The following GNL3L variants were observed in gnomAD, a reference collection of about 807,000 sequenced individuals.
GNL3L encodes the protein guanine nucleotide-binding protein-like 3-like protein.
A neutral mutation model predicts 42.9 loss-of-function variants in GNL3L; 4 were observed. That is an observed-to-expected ratio of 0.09 (90% CI 0.05 to 0.21). The LOEUF is 0.21. Among genes scored for constraint, GNL3L ranks in the 10% least tolerant of loss-of-function variants. The pLI, the probability that GNL3L is intolerant of heterozygous loss-of-function variation, is 1.00. For synonymous variants in GNL3L, 159 were observed against 176.3 expected (o/e 0.90, Z 0.78); for missense variants, 412 against 481.7 (o/e 0.86, Z 1.36).
chrX:54,547,000 CT>C (rs748207972), intron 8 of GNL3L, among the ~76,000 whole-genome samples: 70 of 91,861 alleles, frequency 7.6e-4, no homozygotes, highest in East Asian at 6.5e-3. Flanking sequence ...TTTTTTTTTT[CT>C]TTTTTTTTTT....
chrX:54,572,480 C>G (rs1329097993), intron 16 of GNL3L, among the ~76,000 whole-genome samples: 1 of 112,224 alleles, frequency 8.9e-6, no homozygotes, highest in Admixed American at 9.4e-5. Context: ...TTCCACAAAG[C>G]CGCCATTGTC....
chrX:54,602,568 AC>A (rs1369985237), intron 16 of GNL3L, among the ~76,000 whole-genome samples: 1 of 111,320 alleles, frequency 9.0e-6, no homozygotes, highest in Non-Finnish European at 1.9e-5. Context: ...CTTGTGTCTA[AC>A]TAGTAGAATA....
chrX:54,599,209 T>C (rs1194809182), intron 16 of GNL3L, among the ~76,000 whole-genome samples: 1 of 111,725 alleles, frequency 9.0e-6, no homozygotes, highest in Non-Finnish European at 1.9e-5. Flanking sequence ...GAGTGAAATA[T>C]TTAAAGTACT....
At chrX:54,634,709 G>C in the GNL3L span, among the ~76,000 whole-genome samples, 1 of 100,999 alleles carries the variant, frequency 9.9e-6, no homozygotes, top group African/African-American at 3.7e-5. Context: ...GGATGACCTC[G>C]ATCTCCTGAC....
chrX:54,552,100 G>A lies in GNL3L; in HGVS notation c.1181+126G>A, dbSNP rs1269090085. ...GGTCTTGGGGCAGAGGATGGCCAAG[G>A]TGCCAGGTCATGTCCTGCTCGAGAC... On this transcript the variant is annotated intron_variant, in intron 12 of 15. Coordinates refer to ENST00000360845, the MANE Select transcript of GNL3L (RefSeq NM_001184819.2). 9.2e-6 allele frequency: 8 copies of A among 870,715 alleles called. No homozygotes were observed. The African/African-American group carries it at 1.4e-4, about 15-fold the overall frequency. The allele number at this position is 870,715 out of a possible 1,213,427, so 71.8% of individuals were successfully genotyped here.
intron 16 of GNL3L, among the ~76,000 whole-genome samples, chrX:54,589,609 G>T (rs1925839594): frequency 8.9e-6 from 1 of 111,762 alleles, no homozygotes. Flanking sequence ...CATTTTGTAT[G>T]TGTACCACAT....
chrX:54,625,460 G>A (rs779843280), downstream of GNL3L, among the ~76,000 whole-genome samples: 1 of 110,355 alleles, frequency 9.1e-6, no homozygotes, highest in African/African-American at 3.3e-5. Flanking sequence ...TTAATGTAGT[G>A]TATTATATTG....
Position 54,558,638 on chromosome X carries a change from A to T in GNL3L, c.1649A>T (p.Lys550Met), listed in dbSNP as rs769883708. Residue 550 changes from lysine to methionine, a missense_variant, in exon 15 of 16, where the codon AAG becomes ATG. Physicochemically the swap from Lys to Met is moderately conservative, Grantham distance 95 (BLOSUM62 -1). Transcript: ENST00000360845. ...GCATCTGCCCTGAAAAATAAGAAGA[A>T]GATGCAGAAACGTGCAGGTGGGAGC... is the stretch of plus-strand genomic sequence containing the variant. ...ALASALKNKK[K>M]MQKRADKIAS... The T allele has an allele frequency of 5.8e-6, 7 of 1,199,712 alleles. No homozygotes were observed. The highest frequency in any genetic ancestry group is 4.4e-5 in the Admixed American group (2 of 45,239).
chrX:54,634,983 G>C, the GNL3L span, among the ~76,000 whole-genome samples: 1 of 108,085 alleles, frequency 9.3e-6, no homozygotes, highest in African/African-American at 3.4e-5. Flanking sequence ...GTAGAGACAG[G>C]GTTTTGCCGT....
chrX:54,620,258 C>T (rs775132127), intron 16 of GNL3L, among the ~76,000 whole-genome samples: 1 of 111,031 alleles, frequency 9.0e-6, no homozygotes, highest in East Asian at 2.8e-4. Context: ...ATTAACCACC[C>T]CAACTTCTCT....
Position 54,551,887 on chromosome X carries a change from C to T in GNL3L, c.1094C>T (p.Ala365Val). The T allele has an allele frequency of 8.3e-7, 1 of 1,210,186 alleles. No individual in the cohort carries two copies. The highest frequency in any genetic ancestry group is 1.1e-6 in the Non-Finnish European group (1 of 893,852). The change falls in exon 12 of 16, where the codon GCA becomes GTA. Residue 365 changes from alanine (A) to valine (V), a missense_variant. Coordinates refer to ENST00000360845, the MANE Select transcript of GNL3L (RefSeq NM_001184819.2). Reference sequence around the variant, plus strand: ...CAGACCACTGAGCACTTTCTGACGGCAGTGGCCCACCGTTTGGGGAAGAAG... The same window carrying T: ...CAGACCACTGAGCACTTTCTGACGGTAGTGGCCCACCGTTTGGGGAAGAAG... ...GFQTTEHFLT[A>V]VAHRLGKKKK...
chrX:54,630,053 A>C, the GNL3L span, among the ~76,000 whole-genome samples: 1 of 110,329 alleles, frequency 9.1e-6, no homozygotes, highest in South Asian at 3.9e-4. Flanking sequence ...AAAGGTGTTC[A>C]TAGTAGCCTT....
Position 54,560,697 on chromosome X carries a change from A to G in GNL3L, c.*95A>G, listed in dbSNP as rs980934260. 2.3e-5 allele frequency: 13 copies of G among 571,657 alleles called. No homozygotes were observed. The highest frequency in any genetic ancestry group is 3.3e-5 in the Non-Finnish European group (11 of 331,792). 47.1% of individuals were successfully genotyped at this position (571,657 alleles called of 1,213,427 possible). On this transcript the variant is annotated 3_prime_UTR_variant, in exon 16 of 16. Transcript: ENST00000360845. ...GTTTGGTTCTCCCTGAAGCATCTGC[A>G]TATTGAAAGAACGCTTTCCCCACTG... is the stretch of plus-strand genomic sequence containing the variant.
At chrX:54,553,074 A>T (rs1569542127) in intron 13 of GNL3L, among the ~76,000 whole-genome samples, 1 of 112,502 alleles carries the variant, frequency 8.9e-6, no homozygotes. Context: ...CAGTAAGTCC[A>T]CCCGATAAGG....
intron 16 of GNL3L, among the ~76,000 whole-genome samples, chrX:54,600,891 A>G (rs1044655137): frequency 1.8e-5 from 2 of 112,277 alleles, no homozygotes; most frequent in African/African-American, 6.5e-5. Flanking sequence ...CCAGACAATA[A>G]TTTGTACACC....
intron 2 of GNL3L, among the ~76,000 whole-genome samples, chrX:54,533,439 C>A (rs1924326754): frequency 9.1e-6 from 1 of 110,392 alleles, no homozygotes; most frequent in African/African-American, 3.3e-5. Context: ...AGCACACTGG[C>A]ACTGGGCAGG....
intron 9 of GNL3L, 110 bp downstream of exon 9, chrX:54,548,483 G>T: frequency 1.6e-6 from 1 of 610,832 alleles, no homozygotes; most frequent in Non-Finnish European, 2.6e-6. Flanking sequence ...GAGAGGAGTG[G>T]TTCAGGAGAA....
At chrX:54,531,078 C>G in intron 1 of GNL3L, among the ~76,000 whole-genome samples, 1 of 111,507 alleles carries the variant, frequency 9.0e-6, no homozygotes, top group Non-Finnish European at 1.9e-5. Flanking sequence ...CCGTAGCCCC[C>G]GTTTTACCGA....
intron 16 of GNL3L, among the ~76,000 whole-genome samples, chrX:54,617,833 C>T (rs1475978793): frequency 2.7e-5 from 3 of 111,546 alleles, no homozygotes; most frequent in African/African-American, 9.8e-5. Context: ...TGGACTTCTA[C>T]ACCTTCGGAC....
Sources: gnomAD v4.1 joint callset for allele counts (sites outside exome capture counted in the v4.1 genomes callset) on GRCh38, gnomAD v4.1.1 for gene constraint, MANE v1.5 for transcripts, NCBI Gene and HGNC (gene_info 2026-07-23, HGNC 2026-07-21) for gene names.